PARP12: variants seen among roughly 807,000 people sequenced by gnomAD.
PARP12 encodes the protein poly(ADP-ribose) polymerase family member 12.
Under a neutral mutation model 72.4 loss-of-function variants are expected in PARP12, and 59 were observed. That is an observed-to-expected ratio of 0.81 (90% CI 0.66 to 1.01). The LOEUF is 1.01. Ranked by LOEUF, PARP12 falls within the 50% of genes least tolerant of loss-of-function variation. The probability of loss-of-function intolerance (pLI) is 0.00; values close to 1 mark genes in which losing one functional copy is unlikely to be tolerated. For synonymous variants in PARP12, 403 were observed against 371.4 expected, an observed-to-expected ratio of 1.09 and a Z score of -0.98; for missense variants, 851 against 914.0, an observed-to-expected ratio of 0.93 and a Z score of 0.89.
At position 140,037,704 on chromosome 7, in the gene PARP12, G is replaced by A; in HGVS notation, c.1324+11C>T. The A allele has an allele frequency of 6.2e-7, 1 of 1,613,710 alleles. No individual in the cohort carries two copies. The highest frequency in any genetic ancestry group is 8.5e-7 in the Non-Finnish European group (1 of 1,179,664). ...GCAGGCTCTGCTGGGCGAGGGCAGG[G>A]CACAGGATACCTTTGAAATCTAACT... On this transcript the variant is annotated intron_variant, in intron 7 of 11. Transcript: ENST00000263549.
At chr7:140,046,721 AGTGTGTGTGTGTGTGT>A (rs9340757) in intron 5 of PARP12, among the ~76,000 whole-genome samples, 147 bp downstream of exon 5, 31 of 135,484 alleles carry the variant, frequency 2.3e-4, no homozygotes, top group East Asian at 1.5e-3. Flanking sequence ...GGTGGCTCAC[AGTGTGTGTGTGTGTGT>A]GTGTGTGTGT....
intron 7 of PARP12, among the ~76,000 whole-genome samples, chr7:140,036,947 G>A (rs1161083254): frequency 1.3e-5 from 2 of 152,192 alleles, no homozygotes; most frequent in Non-Finnish European, 2.9e-5. Context: ...ATGAGTGCAC[G>A]AAAATCTGCT....
rs1272110421 is a variant in PARP12 at position 140,034,107 on chromosome 7, G to C, written c.1421+128C>G. The C allele has an allele frequency of 2.1e-6, 3 of 1,398,596 alleles. No individual in the cohort carries two copies. The African/African-American group carries it at 4.4e-5, about 20-fold the overall frequency. The allele number at this position is 1,398,596 out of a possible 1,614,324, so 86.6% of individuals were successfully genotyped here. A position where few individuals can be genotyped will look rare whatever the true frequency, so the allele number is the denominator to read the frequency against. On this transcript the variant is annotated intron_variant, in intron 8 of 11. Coordinates refer to ENST00000263549, the MANE Select transcript of PARP12 (RefSeq NM_022750.4). ...CTAGTAGAAGACAAACGATAACAGA[G>C]TGTGGGAGCACTTCGTTGTACAAGC...
intron 11 of PARP12, chr7:140,025,573 T>C (rs989279903): frequency 1.8e-5 from 8 of 456,348 alleles, no homozygotes; most frequent in Non-Finnish European, 3.1e-5. Flanking sequence ...AGACAATATA[T>C]GCCACCTACC....
intron 4 of PARP12, among the ~76,000 whole-genome samples, chr7:140,049,789 C>T (rs1816887364): frequency 6.6e-6 from 1 of 152,210 alleles, no homozygotes; most frequent in Non-Finnish European, 1.5e-5. Flanking sequence ...TAAGCCACTG[C>T]AGCCACAGCA....
chr7:140,054,543 C>T, intron 4 of PARP12, 119 bp downstream of exon 4: 1 of 807,122 alleles, frequency 1.2e-6, no homozygotes, highest in South Asian at 1.7e-5. Context: ...AAGTGCCAAG[C>T]CCTGATCCTC....
intron 1 of PARP12, among the ~76,000 whole-genome samples, chr7:140,060,299 G>A (rs767280723): frequency 6.6e-6 from 1 of 152,168 alleles, no homozygotes; most frequent in Non-Finnish European, 1.5e-5. Context: ...TGCCTCCTGA[G>A]TAGAGGACTA....
chr7:140,054,788 T>C, intron 3 of PARP12, 25 bp from the exon 4 acceptor site: 2 of 1,557,848 alleles, frequency 1.3e-6, no homozygotes, highest in African/African-American at 1.4e-5. Flanking sequence ...CACAAAGATA[T>C]GTCAGCTTCT....
chr7:140,062,182 C>T (rs969902415), intron 1 of PARP12, among the ~76,000 whole-genome samples: 4 of 152,068 alleles, frequency 2.6e-5, no homozygotes, highest in Admixed American at 1.3e-4. Context: ...TGGCAAGGGG[C>T]GACCCGCGGC....
At chr7:140,060,735 G>C (rs1817410291) in intron 1 of PARP12, among the ~76,000 whole-genome samples, 1 of 135,774 alleles carries the variant, frequency 7.4e-6, no homozygotes, top group Non-Finnish European at 1.5e-5. Context: ...CTCGTGGGCT[G>C]TTGTTCCCTG....
intron 7 of PARP12, 84 bp from the exon 8 acceptor site, chr7:140,034,415 G>C (rs1816072644): frequency 8.5e-7 from 1 of 1,179,216 alleles, no homozygotes; most frequent in African/African-American, 1.5e-5. Context: ...ACACAAATTA[G>C]ATAGATTTGA....
chr7:140,037,608 T>C (rs902798989), intron 7 of PARP12, 107 bp downstream of exon 7: 1 of 1,506,012 alleles, frequency 6.6e-7, no homozygotes, highest in South Asian at 1.3e-5. Flanking sequence ...TTCTTTCCTG[T>C]ACCCACCCAG....
intron 3 of PARP12, among the ~76,000 whole-genome samples, chr7:140,056,529 G>A (rs1231358050): frequency 1.3e-5 from 2 of 152,116 alleles, no homozygotes; most frequent in Admixed American, 1.3e-4. Context: ...TGCTCTCGTG[G>A]GGGTGAAGAT....
At chr7:140,045,831 G>A (rs1185378220) in intron 5 of PARP12, among the ~76,000 whole-genome samples, 1 of 152,200 alleles carries the variant, frequency 6.6e-6, no homozygotes, top group South Asian at 2.1e-4. Context: ...CCTCTGCCGG[G>A]AAGTGTCTGA....
At chr7:140,034,112 G>C in intron 8 of PARP12, 123 bp downstream of exon 8, 1 of 1,402,222 alleles carries the variant, frequency 7.1e-7, no homozygotes, top group Non-Finnish European at 9.4e-7. Context: ...ACAGAGTGTG[G>C]GAGCACTTCG....
Position 140,034,306 on chromosome 7 carries a change from A to G in PARP12, c.1350T>C (p.Tyr450=). Reference sequence around the variant, plus strand: ...TGCGGCAAACCTTTTTAGTTGTGCCATAGACCAGGTTTTTCTGAACGAAGG... The same window carrying G: ...TGCGGCAAACCTTTTTAGTTGTGCCGTAGACCAGGTTTTTCTGAACGAAGG... ...FKAFVQKNLV[Y]GTTKKVCRRP... Residue 450 remains tyrosine (Y), a synonymous_variant, in exon 8 of 12, where the codon TAT becomes TAC. Coordinates refer to ENST00000263549, the MANE Select transcript of PARP12 (RefSeq NM_022750.4). The G allele has an allele frequency of 1.2e-6, 2 of 1,612,756 alleles. No homozygotes were observed. Among genetic ancestry groups the G allele is most frequent in the South Asian group, 1.1e-5 (1 of 90,870 alleles).
intron 9 of PARP12, among the ~76,000 whole-genome samples, chr7:140,028,229 A>G (rs1164282059): frequency 6.6e-6 from 1 of 152,182 alleles, no homozygotes; most frequent in East Asian, 1.9e-4. Flanking sequence ...CCCTCCTGAC[A>G]GTAACCCCAT....
At chr7:140,057,625 A>G (rs1051682436) in intron 2 of PARP12, 2 of 463,958 alleles carry the variant, frequency 4.3e-6, no homozygotes. Flanking sequence ...TCATTTCTCA[A>G]TGGAGCACAC....
At chr7:140,056,285 T>C (rs1464642746) in intron 3 of PARP12, among the ~76,000 whole-genome samples, 1 of 152,212 alleles carries the variant, frequency 6.6e-6, no homozygotes, top group Non-Finnish European at 1.5e-5. Flanking sequence ...ATTCAACAAA[T>C]GTCAGAGTAC....
Sources: gnomAD v4.1 joint callset for allele counts (sites outside exome capture counted in the v4.1 genomes callset) on GRCh38, gnomAD v4.1.1 for gene constraint, MANE v1.5 for transcripts, NCBI Gene and HGNC (gene_info 2026-07-23, HGNC 2026-07-21) for gene names.